Variants in TMEM230 observed in about 807,000 individuals in gnomAD.
The protein encoded by TMEM230 is transmembrane protein 230, also known as UPF0414 transmembrane protein C20orf30.
TMEM230 carries 10 observed loss-of-function variants against 15.8 expected under a neutral mutation model. The observed-to-expected ratio is 0.63, with a 90% CI of 0.39 to 1.07. The LOEUF is 1.07. Among genes scored for constraint, TMEM230 ranks in the 50% least tolerant of loss-of-function variants. TMEM230 has a pLI of 0.01. For synonymous variants in TMEM230, 67 were observed against 76.9 expected, an observed-to-expected ratio of 0.87 and a Z score of 0.68; for missense variants, 165 against 193.3, an observed-to-expected ratio of 0.85 and a Z score of 0.87.
chr20:5,107,993 T>TCC (rs751726984), intron 3 of TMEM230, among the ~76,000 whole-genome samples: 63 of 150,616 alleles, frequency 4.2e-4, no homozygotes, highest in Non-Finnish European at 1.5e-4. Context: ...ATGCCTGTAA[T>TCC]CCCCCAGCTA....
intron 3 of TMEM230, 22 bp downstream of exon 2, chr20:5,109,310 G>T: frequency 6.3e-7 from 1 of 1,581,764 alleles, no homozygotes; most frequent in Non-Finnish European, 8.7e-7. Flanking sequence ...AGTCAGTCTT[G>T]TCAGTTCTCT....
the TMEM230 span, among the ~76,000 whole-genome samples, chr20:5,062,468 G>C: frequency 6.6e-6 from 1 of 151,344 alleles, no homozygotes; most frequent in South Asian, 2.1e-4. Flanking sequence ...TAAATCAGTA[G>C]TCCTAGGTCG....
chr20:5,080,389 G>A (rs2122590095), intron 3 of TMEM230, among the ~76,000 whole-genome samples: 1 of 152,238 alleles, frequency 6.6e-6, no homozygotes, highest in Non-Finnish European at 1.5e-5. Context: ...AAGACTGAAA[G>A]TTGCTGTGTT....
chr20:5,065,228 G>T (rs1370623530), downstream of TMEM230, among the ~76,000 whole-genome samples: 6 of 151,884 alleles, frequency 4.0e-5, no homozygotes, highest in Non-Finnish European at 8.8e-5. Context: ...GAACAGCCTA[G>T]GCAACATGGC....
In TMEM230 at chr20:5,100,180, C is replaced by T; in HGVS notation, c.*611G>A. On this transcript the variant is annotated 3_prime_UTR_variant, in exon 5 of 5. Coordinates refer to ENST00000342308, the MANE Select transcript of TMEM230 (RefSeq NM_001009923.2). ...ATATGCTGTCCAACCTACTGGTGAA[C>T]TGGATCAGAATGGTCCAAGGACTGT... 2 of 985,400 alleles carry T rather than the reference C, an allele frequency of 2.0e-6. No homozygotes were observed. The highest frequency in any genetic ancestry group is 2.4e-6 in the Non-Finnish European group (2 of 829,940). The allele number at this position is 985,400 out of a possible 1,614,324, so 61.0% of individuals were successfully genotyped here.
chr20:5,100,557 T>G lies in TMEM230; in HGVS notation c.*234A>C, dbSNP rs1185038085. 7.6e-7 allele frequency: 1 copy of G among 1,310,240 alleles called. No homozygotes were observed. Among genetic ancestry groups the G allele is most frequent in the East Asian group, 3.2e-5 (1 of 31,266 alleles). The allele number at this position is 1,310,240 out of a possible 1,614,324, so 81.2% of individuals were successfully genotyped here. On this transcript the variant is annotated 3_prime_UTR_variant, in exon 5 of 5. Transcript: ENST00000342308. ...CAGAATAACCTCTATTCTTCCATGA[T>G]ACATATTCCTGTGGAAAAACTTGTC... is the stretch of plus-strand genomic sequence containing the variant.
chr20:5,074,949 C>A (rs982494022), intron 3 of TMEM230, among the ~76,000 whole-genome samples: 4 of 151,978 alleles, frequency 2.6e-5, no homozygotes, highest in Admixed American at 2.6e-4. Context: ...AGGCATAAAC[C>A]ACCACACCTA....
chr20:5,106,868 G>A (rs1398500921), intron 3 of TMEM230, among the ~76,000 whole-genome samples: 2 of 152,000 alleles, frequency 1.3e-5, no homozygotes, highest in East Asian at 1.9e-4. Context: ...ACCATGCCCA[G>A]CTAATTTTTA....
chr20:5,062,512 T>C, the TMEM230 span, among the ~76,000 whole-genome samples: 1 of 152,180 alleles, frequency 6.6e-6, no homozygotes, highest in Non-Finnish European at 1.5e-5. Flanking sequence ...TCCCAGCACT[T>C]TGAAAGGCCA....
At chr20:5,089,792 G>C (rs1394637012) in intron 3 of TMEM230, among the ~76,000 whole-genome samples, 2 of 152,010 alleles carry the variant, frequency 1.3e-5, no homozygotes, top group Non-Finnish European at 2.9e-5. Context: ...ACTTTGGGAG[G>C]ACGAGACCTG....
chr20:5,100,537 T>C lies in TMEM230; in HGVS notation c.*254A>G. 1 of 1,219,260 alleles carries C rather than the reference T, an allele frequency of 8.2e-7. No individual in the cohort carries two copies. The highest frequency in any genetic ancestry group is 1.0e-6 in the Non-Finnish European group (1 of 974,174). 75.5% of individuals were successfully genotyped at this position (1,219,260 alleles called of 1,614,324 possible). ...CAGGCAACACTTTTCCATTACAGAA[T>C]AACCTCTATTCTTCCATGATACATA... On this transcript the variant is annotated 3_prime_UTR_variant, in exon 5 of 5. Coordinates refer to ENST00000342308, the MANE Select transcript of TMEM230 (RefSeq NM_001009923.2).
chr20:5,104,799 C>T (rs75677805), intron 4 of TMEM230, among the ~76,000 whole-genome samples: 1 of 152,256 alleles, frequency 6.6e-6, no homozygotes, highest in Non-Finnish European at 1.5e-5. Context: ...CATGTTCTCA[C>T]TCATTTGCGG....
chr20:5,107,568 ATT>A (rs2090145041), intron 3 of TMEM230, among the ~76,000 whole-genome samples: 1 of 151,616 alleles, frequency 6.6e-6, no homozygotes, highest in Non-Finnish European at 1.5e-5. Flanking sequence ...ACAGTCATTC[ATT>A]TGTTAGATAT....
Position 5,113,041 on chromosome 20 carries a change from T to C in TMEM230, c.-13A>G, listed in dbSNP as rs974118774. 13 of 1,545,192 alleles carry C rather than the reference T, an allele frequency of 8.4e-6. No individual in the cohort carries two copies. Among genetic ancestry groups the C allele is most frequent in the African/African-American group, 4.1e-5 (3 of 72,998 alleles). On this transcript the variant is annotated 5_prime_UTR_variant, in exon 1 of 5. Transcript: ENST00000342308. The stretch of plus-strand genomic sequence containing the variant: ...CCCAAGGTTGCATGGCATGGCCCGC[T>C]TAAGTGCCACTCAGCCGGCCCCAGG...
intron 3 of TMEM230, among the ~76,000 whole-genome samples, chr20:5,107,632 T>G (rs2122799138): frequency 6.6e-6 from 1 of 152,200 alleles, no homozygotes; most frequent in East Asian, 1.9e-4. Context: ...TATGGGGATT[T>G]AAGAGATCCT....
chr20:5,097,382 G>A (rs764342217), downstream of TMEM230, among the ~76,000 whole-genome samples: 4 of 152,216 alleles, frequency 2.6e-5, no homozygotes, highest in Non-Finnish European at 4.4e-5. Flanking sequence ...CCTTGGAAAT[G>A]ACTAACAGGA....
At chr20:5,060,879 T>A in the TMEM230 span, among the ~76,000 whole-genome samples, 1 of 152,082 alleles carries the variant, frequency 6.6e-6, no homozygotes, top group Non-Finnish European at 1.5e-5. Flanking sequence ...GGTTATAGAG[T>A]GTGTCTTCAG....
intron 3 of TMEM230, among the ~76,000 whole-genome samples, chr20:5,094,276 C>T (rs957094276): frequency 4.0e-5 from 6 of 151,398 alleles, no homozygotes; most frequent in Admixed American, 2.6e-4. Context: ...GACAAGGTCT[C>T]ACTCTGTTGC....
downstream of TMEM230, among the ~76,000 whole-genome samples, chr20:5,063,271 C>T (rs944347761): frequency 7.3e-6 from 1 of 136,352 alleles, no homozygotes; most frequent in Non-Finnish European, 1.5e-5. Context: ...TAAGTAGCTG[C>T]TATGAATTTT....
Sources: gnomAD v4.1 joint callset for allele counts (sites outside exome capture counted in the v4.1 genomes callset) on GRCh38, gnomAD v4.1.1 for gene constraint, MANE v1.5 for transcripts, NCBI Gene and HGNC (gene_info 2026-07-23, HGNC 2026-07-21) for gene names.